The following ZNF518A variants were observed in gnomAD, a reference collection of about 807,000 sequenced individuals.
ZNF518A encodes the protein zinc finger protein 518A.
ZNF518A carries 47 observed loss-of-function variants against 102.7 expected under a neutral mutation model. That is an observed-to-expected ratio of 0.46 (90% CI 0.36 to 0.58). The LOEUF is 0.58. ZNF518A is among the 20% of genes least tolerant of loss of function. ZNF518A has a pLI of 0.00. For missense variants in ZNF518A, 1,793 were observed against 1,699.8 expected (o/e 1.05, Z -0.96); for synonymous variants, 652 against 594.6 (o/e 1.10, Z -1.40).
chr10:96,169,702 T>C (rs2083162417), intron 1 of ZNF518A, among the ~76,000 whole-genome samples: 1 of 152,204 alleles, frequency 6.6e-6, no homozygotes, highest in South Asian at 2.1e-4. Context: ...TATGTATGGG[T>C]CATACTTTGC....
chr10:96,165,130 T>C (rs967263881), downstream of ZNF518A, among the ~76,000 whole-genome samples: 2 of 151,952 alleles, frequency 1.3e-5, no homozygotes, highest in Non-Finnish European at 2.9e-5. Context: ...AAGACCCATT[T>C]ATTTATTTTT....
At chr10:96,147,794 C>G (rs1454522330) in intron 3 of ZNF518A, among the ~76,000 whole-genome samples, 1 of 152,196 alleles carries the variant, frequency 6.6e-6, no homozygotes, top group African/African-American at 2.4e-5. Flanking sequence ...GTACCTTACA[C>G]TGAGCACTTG....
chr10:96,196,528 C>T (rs587707671), intron 1 of ZNF518A, among the ~76,000 whole-genome samples: 1 of 152,292 alleles, frequency 6.6e-6, no homozygotes, highest in South Asian at 2.1e-4. Flanking sequence ...GGTAACCTAC[C>T]TTGGTACTTG....
chr10:96,204,863 A>G (rs1387779578), downstream of ZNF518A: 5 of 459,202 alleles, frequency 1.1e-5, no homozygotes, highest in African/African-American at 8.0e-5. Context: ...TCCACTGGCA[A>G]TGTACATAGA....
intron 2 of ZNF518A, among the ~76,000 whole-genome samples, chr10:96,133,258 A>G (rs1420575317): frequency 1.3e-5 from 2 of 152,196 alleles, no homozygotes; most frequent in East Asian, 3.8e-4. Flanking sequence ...ATGAATGGCC[A>G]GAAGATTGTG....
At chr10:96,195,733 A>G (rs1404162440) in intron 1 of ZNF518A, among the ~76,000 whole-genome samples, 2 of 152,252 alleles carry the variant, frequency 1.3e-5, no homozygotes, top group South Asian at 2.1e-4. Context: ...CTGTTTCACA[A>G]CAATGTAAAT....
intron 1 of ZNF518A, chr10:96,191,799 G>A: frequency 3.8e-6 from 3 of 779,644 alleles, no homozygotes; most frequent in Admixed American, 4.6e-5. Context: ...AATAGAACAA[G>A]TCCACATGAG....
chr10:96,159,265 A>T lies in ZNF518A; in HGVS notation c.2943A>T (p.Thr981=). ...ACAAGAAACCTGGGATGGTTTTAAC[A>T]CTTAATAATGGGAAACTTGAAGGTG... The part of the protein sequence containing the change: ...FVNKKPGMVL[T]LNNGKLEGVS... The change falls in exon 6 of 6, where the codon ACA becomes ACT. Residue 981 remains threonine (T), a synonymous_variant. Coordinates refer to ENST00000316045, the MANE Select transcript of ZNF518A (RefSeq NM_001330736.2). 6.2e-7 allele frequency: 1 copy of T among 1,613,506 alleles called. No homozygotes were observed. The highest frequency in any genetic ancestry group is 1.7e-5 in the Admixed American group (1 of 59,962).
At chr10:96,180,010 C>T (rs2083230105) in intron 1 of ZNF518A, among the ~76,000 whole-genome samples, 1 of 151,626 alleles carries the variant, frequency 6.6e-6, no homozygotes, top group South Asian at 2.1e-4. Context: ...TCCTGAGTAC[C>T]TGGGATTACA....
chr10:96,138,369 T>C (rs1554875302), intron 3 of ZNF518A, among the ~76,000 whole-genome samples: 1 of 152,180 alleles, frequency 6.6e-6, no homozygotes, highest in East Asian at 1.9e-4. Flanking sequence ...TTCCCTCTAA[T>C]GCTTTCTGTT....
Position 96,159,734 on chromosome 10 carries a change from G to A in ZNF518A, c.3412G>A (p.Gly1138Arg), listed in dbSNP as rs587675089. 10 of 1,613,092 alleles carry A rather than the reference G, an allele frequency of 6.2e-6. No individual in the cohort carries two copies. The highest frequency in any genetic ancestry group is 3.3e-5 in the South Asian group (3 of 91,074). The change falls in exon 6 of 6, where the codon GGA becomes AGA. Residue 1138 changes from glycine (G) to arginine (R), a missense_variant. By Grantham distance (125) the Gly-to-Arg change is moderately radical. Transcript: ENST00000316045. ...YQNIQPKKPE[G>R]TPQRILLKIF... The stretch of plus-strand genomic sequence containing the variant: ...AAATATACAGCCAAAGAAACCTGAA[G>A]GAACACCACAAAGAATATTGCTGAA...
intron 3 of ZNF518A, among the ~76,000 whole-genome samples, chr10:96,147,793 A>G (rs1325257643): frequency 1.3e-5 from 2 of 152,162 alleles, no homozygotes; most frequent in African/African-American, 4.8e-5. Context: ...CGTACCTTAC[A>G]CTGAGCACTT....
At chr10:96,151,969 C>A (rs1304818793) in intron 3 of ZNF518A, among the ~76,000 whole-genome samples, 6 of 152,152 alleles carry the variant, frequency 3.9e-5, no homozygotes, top group African/African-American at 1.4e-4. Flanking sequence ...AAGTCTTATG[C>A]TGTAATAATA....
At position 96,156,693 on chromosome 10, in the gene ZNF518A, G is replaced by A; in HGVS notation, c.371G>A (p.Cys124Tyr). The change falls in exon 6 of 6, where the codon TGC becomes TAC. Residue 124 changes from cysteine (C) to tyrosine (Y), a missense_variant. By Grantham distance (194) the Cys-to-Tyr change is radical. Transcript: ENST00000316045. ...AKILNFSCLK[C>Y]RDNTRYSPND... ...ATACTCAATTTCAGCTGTTTAAAAT[G>A]CCGAGACAACACTCGATATAGCCCA... 1 of 1,613,706 alleles carries A rather than the reference G, an allele frequency of 6.2e-7. No individual in the cohort carries two copies. The highest frequency in any genetic ancestry group is 2.2e-5 in the East Asian group (1 of 44,860).
downstream of ZNF518A, chr10:96,204,176 G>A: frequency 7.3e-7 from 1 of 1,364,180 alleles, no homozygotes; most frequent in Non-Finnish European, 1.0e-6. Context: ...GCTGTGAACA[G>A]GCACATCACA....
intron 1 of ZNF518A, chr10:96,199,976 TGAG>T: frequency 6.1e-6 from 5 of 813,394 alleles, no homozygotes; most frequent in Non-Finnish European, 8.5e-6. Flanking sequence ...TGCAGTGAGC[TGAG>T]ATCGAGCCAC....
intron 1 of ZNF518A, among the ~76,000 whole-genome samples, chr10:96,185,188 A>T (rs964011822): frequency 6.6e-6 from 1 of 152,122 alleles, no homozygotes; most frequent in Non-Finnish European, 1.5e-5. Context: ...TGTTTATTCT[A>T]GTTAGCCATT....
intron 1 of ZNF518A, among the ~76,000 whole-genome samples, chr10:96,195,628 C>T (rs1202572050): frequency 2.0e-5 from 3 of 152,026 alleles, no homozygotes; most frequent in Non-Finnish European, 2.9e-5. Context: ...AAAAATAGAA[C>T]GTGGTTGCTA....
intron 1 of ZNF518A, among the ~76,000 whole-genome samples, chr10:96,198,908 A>G (rs1490945587): frequency 1.3e-5 from 2 of 152,226 alleles, no homozygotes; most frequent in Non-Finnish European, 2.9e-5. Flanking sequence ...CATCTTGGCC[A>G]GGCTGGTCTC....
Sources: allele counts gnomAD v4.1 joint callset (sites outside exome capture counted in the v4.1 genomes callset), GRCh38; gene constraint gnomAD v4.1.1; transcripts MANE v1.5; gene names NCBI Gene and HGNC (gene_info 2026-07-23, HGNC 2026-07-21).